The following FBLIM1 variants were observed in gnomAD, a reference collection of about 807,000 sequenced individuals.
The protein encoded by FBLIM1 is filamin-binding LIM protein 1.
In FBLIM1, 29 loss-of-function variants were observed where a neutral mutation model predicts 37.4. That is an observed-to-expected ratio of 0.77 (90% confidence interval 0.58 to 1.06). The LOEUF is 1.06. FBLIM1 is among the 50% of genes least tolerant of loss of function. FBLIM1 has a pLI of 0.00. For missense variants in FBLIM1, 449 were observed against 505.6 expected (o/e 0.89, Z 1.07); for synonymous variants, 193 against 199.0 (o/e 0.97, Z 0.25).
chr1:15,768,012 T>A (rs1012260707), intron 4 of FBLIM1, among the ~76,000 whole-genome samples: 7 of 152,032 alleles, frequency 4.6e-5, no homozygotes, highest in Non-Finnish European at 7.4e-5. Context: ...GTCTCCTGAG[T>A]ATCTGGGATT....
At chr1:15,770,321 C>T in intron 5 of FBLIM1, 88 bp from the exon 6 acceptor site, 1 of 1,421,148 alleles carries the variant, frequency 7.0e-7, no homozygotes. Context: ...AAGACAGAGC[C>T]TCGGGTATCC....
At chr1:15,762,130 C>G (rs1009038839) in intron 1 of FBLIM1, among the ~76,000 whole-genome samples, 6 of 151,700 alleles carry the variant, frequency 4.0e-5, no homozygotes, top group African/African-American at 1.5e-4. Flanking sequence ...ACTCTGTCAC[C>G]TCGGCTGGAG....
chr1:15,762,315 G>A (rs1435863642), intron 1 of FBLIM1, among the ~76,000 whole-genome samples: 1 of 149,382 alleles, frequency 6.7e-6, no homozygotes. Flanking sequence ...CCAGGCTGGA[G>A]TGTGGTGGTG....
chr1:15,764,818 C>G, intron 2 of FBLIM1, 133 bp downstream of exon 2: 1 of 1,013,906 alleles, frequency 9.9e-7, no homozygotes, highest in Non-Finnish European at 1.4e-6. Flanking sequence ...CACCCCTTCT[C>G]TGGCTGGGCT....
intron 3 of FBLIM1, among the ~76,000 whole-genome samples, chr1:15,766,290 GTA>G (rs2068918475): frequency 6.6e-6 from 1 of 151,750 alleles, no homozygotes; most frequent in South Asian, 2.1e-4. Context: ...GTGTGTGTGT[GTA>G]TGTGTGTGTG....
At chr1:15,781,226 C>T (rs372052963) in intron 8 of FBLIM1, among the ~76,000 whole-genome samples, 1 of 151,966 alleles carries the variant, frequency 6.6e-6, no homozygotes. Flanking sequence ...GGTGTGGTGG[C>T]GTGTGTCTGT....
chr1:15,765,208 T>G lies in FBLIM1; in HGVS notation c.225T>G (p.Ala75=). ...TPGRAAATVP[A]APMQLFNGGC... is the part of the protein sequence containing the mutation. Reference sequence around the variant, plus strand: ...GCAGAGCTGCAGCCACAGTGCCGGCTGCACCTATGCAGCTCTTCAATGGAG... The same window carrying G: ...GCAGAGCTGCAGCCACAGTGCCGGCGGCACCTATGCAGCTCTTCAATGGAG... Residue 75 remains alanine, a synonymous_variant, in exon 3 of 9, where the codon GCT becomes GCG. Transcript: ENST00000375766. The surrounding 1 kb of genome is among the most constrained non-coding windows in gnomAD (Gnocchi z 5.9). 6.2e-7 allele frequency: 1 copy of G among 1,613,292 alleles called. No homozygotes were observed. The highest frequency in any genetic ancestry group is 8.5e-7 in the Non-Finnish European group (1 of 1,179,654).
chr1:15,756,880 C>T (rs2068451528), upstream of FBLIM1: 1 of 152,312 alleles, frequency 6.6e-6, no homozygotes, highest in Admixed American at 6.5e-5. Context: ...GGGGGTGCAA[C>T]AGGTGGTTCA....
chr1:15,776,456 G>A (rs2069490286), intron 7 of FBLIM1, among the ~76,000 whole-genome samples: 1 of 152,122 alleles, frequency 6.6e-6, no homozygotes, highest in South Asian at 2.1e-4. Context: ...AGACCTCGGG[G>A]TCTGCCCTTG....
intron 1 of FBLIM1, among the ~76,000 whole-genome samples, chr1:15,763,971 T>C (rs1221433980): frequency 6.6e-6 from 1 of 152,082 alleles, no homozygotes; most frequent in East Asian, 1.9e-4. Flanking sequence ...GAGAAAGAGA[T>C]TGATGCTCTA....
At chr1:15,773,134 C>T (rs770588099) in intron 6 of FBLIM1, among the ~76,000 whole-genome samples, 4 of 152,092 alleles carry the variant, frequency 2.6e-5, no homozygotes, top group Non-Finnish European at 4.4e-5. Flanking sequence ...GGCCAGGTGC[C>T]GTGGCTCATG....
At chr1:15,758,628 G>A (rs2068508532), upstream of FBLIM1, 1 of 151,846 alleles carries the variant, frequency 6.6e-6, no homozygotes, top group Non-Finnish European at 1.5e-5. The surrounding 1 kb of genome is among the most constrained non-coding windows in gnomAD (Gnocchi z 6.2). Flanking sequence ...GGCGCGGCCG[G>A]GCAGGTTGGG....
intron 7 of FBLIM1, 105 bp downstream of exon 7, chr1:15,774,901 G>A: frequency 6.2e-7 from 1 of 1,602,780 alleles, no homozygotes; most frequent in Non-Finnish European, 8.5e-7. Context: ...AGAGTTTCCT[G>A]TCTACTGGTT....
chr1:15,771,372 G>A (rs1400736928), intron 6 of FBLIM1, among the ~76,000 whole-genome samples: 2 of 151,126 alleles, frequency 1.3e-5, no homozygotes, highest in African/African-American at 4.9e-5. Context: ...TCAGCCTCCT[G>A]AGTAGCTGGG....
chr1:15,776,254 C>G (rs1253124111), intron 7 of FBLIM1, among the ~76,000 whole-genome samples: 1 of 151,878 alleles, frequency 6.6e-6, no homozygotes, highest in African/African-American at 2.4e-5. Context: ...TAGACTCCAT[C>G]CCAAACAAAA....
Position 15,777,177 on chromosome 1 carries a change from G to T in FBLIM1, c.898G>T (p.Ala300Ser). Residue 300 changes from alanine (A) to serine (S), a missense_variant, in exon 8 of 9, where the codon GCC (alanine) becomes TCC (serine). Ala to Ser is a moderately conservative substitution (Grantham distance 99, BLOSUM62 1). Transcript: ENST00000375766. ...GGGTTCCTTTGCTTCTAGGAAATTC[G>T]CCCCCGTCTGCAGCATCTGTGAAAA... The part of the protein sequence containing the change: ...YCLDDFYRKF[A>S]PVCSICENPI... The T allele has an allele frequency of 6.3e-7, 1 of 1,598,186 alleles. No homozygotes were observed. The highest frequency in any genetic ancestry group is 1.1e-5 in the South Asian group (1 of 90,190).
intron 8 of FBLIM1, among the ~76,000 whole-genome samples, chr1:15,780,267 C>T (rs879404766): frequency 3.3e-5 from 5 of 152,064 alleles, no homozygotes; most frequent in East Asian, 3.9e-4. Flanking sequence ...GGCGCTATCT[C>T]GGCTCACTGC....
rs1465301943 is a variant in FBLIM1, at chr1:15,774,796, G to A, written c.890G>A (p.Arg297Lys). The stretch of plus-strand genomic sequence containing the variant: ...GTGTACTGCCTGGACGACTTCTACA[G>A]GTACGAGAAGGGTTTGTGCACTGGG... ...NEVYCLDDFY[R>K]KFAPVCSICE... The change falls in exon 7 of 9, where the codon AGG (arginine) becomes AAG (lysine). Residue 297 changes from arginine (R) to lysine (K), a missense_variant and splice_region_variant. Arg to Lys is a conservative substitution (Grantham distance 26). Transcript: ENST00000375766. The A allele has an allele frequency of 1.2e-6, 2 of 1,614,018 alleles. No homozygotes were observed. The highest frequency in any genetic ancestry group is 2.7e-5 in the African/African-American group (2 of 74,928).
In FBLIM1 at chr1:15,765,271, A is replaced by C. The variant is rs1331318639; in HGVS notation, c.250+38A>C. The C allele has an allele frequency of 6.4e-7, 1 of 1,572,878 alleles. No homozygotes were observed. The highest frequency in any genetic ancestry group is 1.8e-5 in the Admixed American group (1 of 54,426). ...GGGACTTTGGGGAAGACCACGTCAGAGGCAGAGGTGGGGAGGAAAGGGCAG... is the reference window on the plus strand; with the variant it reads ...GGGACTTTGGGGAAGACCACGTCAGCGGCAGAGGTGGGGAGGAAAGGGCAG... On this transcript the variant is annotated intron_variant, in intron 3 of 8. Coordinates refer to ENST00000375766, the MANE Select transcript of FBLIM1 (RefSeq NM_017556.4). The surrounding 1 kb of genome is among the most constrained non-coding windows in gnomAD (Gnocchi z 5.9).
Sources: allele counts gnomAD v4.1 joint callset (sites outside exome capture counted in the v4.1 genomes callset), GRCh38; gene constraint gnomAD v4.1.1; non-coding constraint Gnocchi (gnomAD v3.1); transcripts MANE v1.5; gene names NCBI Gene and HGNC (gene_info 2026-07-23, HGNC 2026-07-21).